The following PTPRK variants were observed in gnomAD, a reference collection of about 807,000 sequenced individuals.
PTPRK encodes the protein protein tyrosine phosphatase receptor type K.
Under a neutral mutation model 178.0 loss-of-function variants are expected in PTPRK, and 75 were observed. That is an observed-to-expected ratio of 0.42 (90% CI 0.35 to 0.51). The LOEUF (loss-of-function observed/expected upper bound fraction) is 0.51. Ranked by LOEUF, PTPRK falls within the 20% of genes least tolerant of loss-of-function variation. PTPRK has a pLI of 0.02. For synonymous variants in PTPRK, 637 were observed against 620.6 expected (o/e 1.03, Z -0.39); for missense variants, 1,441 against 1,797.8 (o/e 0.80, Z 3.59).
intron 13 of PTPRK, among the ~76,000 whole-genome samples, chr6:128,045,745 T>G (rs943601852): frequency 2.0e-5 from 3 of 152,092 alleles, no homozygotes; most frequent in African/African-American, 7.2e-5. Flanking sequence ...TTAATACATA[T>G]CTTTTAAATA....
At chr6:128,051,717 A>C (rs1779032507) in intron 13 of PTPRK, among the ~76,000 whole-genome samples, 1 of 152,040 alleles carries the variant, frequency 6.6e-6, no homozygotes. Flanking sequence ...TCATCTTTCT[A>C]TATTATCTTG....
At chr6:128,169,886 C>A (rs1213756771) in intron 7 of PTPRK, among the ~76,000 whole-genome samples, 1 of 151,548 alleles carries the variant, frequency 6.6e-6, no homozygotes, top group South Asian at 2.1e-4. Context: ...AAACACCAGG[C>A]ACTTTCCAGA....
intron 3 of PTPRK, among the ~76,000 whole-genome samples, chr6:128,253,311 C>T (rs1193432475): frequency 6.6e-6 from 1 of 152,132 alleles, no homozygotes; most frequent in Non-Finnish European, 1.5e-5. Context: ...CATTTTTCAT[C>T]CTATGGATCT....
chr6:128,360,497 C>T (rs1011244070), intron 2 of PTPRK, among the ~76,000 whole-genome samples: 30 of 152,174 alleles, frequency 2.0e-4, no homozygotes, highest in Admixed American at 1.3e-3. Context: ...TATTATATAA[C>T]GTCAAGGTAA....
intron 5 of PTPRK, chr6:128,232,223 T>A (rs1311722013): frequency 6.6e-6 from 1 of 152,234 alleles, no homozygotes; most frequent in Non-Finnish European, 1.5e-5. Flanking sequence ...CACTTTTGCT[T>A]ATTCAAGTAC....
chr6:128,280,361 T>C (rs1304515860), intron 3 of PTPRK, among the ~76,000 whole-genome samples: 1 of 152,150 alleles, frequency 6.6e-6, no homozygotes, highest in Non-Finnish European at 1.5e-5. Context: ...CATTTTAAAA[T>C]ACTGTTCCTA....
chr6:128,258,288 CAAGT>C (rs1218316482), intron 3 of PTPRK, among the ~76,000 whole-genome samples: 6 of 152,026 alleles, frequency 3.9e-5, no homozygotes, highest in Non-Finnish European at 8.8e-5. Context: ...TTAAATCAAG[CAAGT>C]GTTACAACAT....
At chr6:128,250,460 G>A (rs988709728) in intron 3 of PTPRK, among the ~76,000 whole-genome samples, 2 of 152,142 alleles carry the variant, frequency 1.3e-5, no homozygotes, top group African/African-American at 2.4e-5. Flanking sequence ...TTGACAGTCA[G>A]GGCTCAAAGA....
intron 1 of PTPRK, chr6:128,491,815 A>G (rs752981578): frequency 2.9e-5 from 15 of 517,376 alleles, no homozygotes; most frequent in Non-Finnish European, 5.8e-5. Flanking sequence ...CAGCAGAACA[A>G]CAGCAGCAAA....
chr6:128,114,271 T>C (rs1791132289), intron 7 of PTPRK, among the ~76,000 whole-genome samples: 2 of 151,988 alleles, frequency 1.3e-5, no homozygotes. Flanking sequence ...AGGCATGTAT[T>C]ACATGACGGC....
At chr6:127,999,065 C>T (rs1235843913) in intron 15 of PTPRK, among the ~76,000 whole-genome samples, 161 bp from the exon 16 acceptor site, 2 of 152,046 alleles carry the variant, frequency 1.3e-5, no homozygotes, top group African/African-American at 4.8e-5. Context: ...ACAGTATCCC[C>T]AAAGACAAAA....
intron 6 of PTPRK, among the ~76,000 whole-genome samples, chr6:128,211,669 T>C (rs976657492): frequency 6.6e-6 from 1 of 152,120 alleles, no homozygotes; most frequent in South Asian, 2.1e-4. Context: ...GTCAGCAGAA[T>C]GTATATTAGC....
chr6:128,341,990 C>T (rs751837496), intron 2 of PTPRK, among the ~76,000 whole-genome samples: 8 of 152,166 alleles, frequency 5.3e-5, no homozygotes, highest in African/African-American at 7.2e-5. Context: ...CAGTGGCTCA[C>T]GCCTGTAATC....
chr6:128,221,599 C>T (rs1257373458), intron 5 of PTPRK, among the ~76,000 whole-genome samples: 1 of 151,584 alleles, frequency 6.6e-6, no homozygotes, highest in Non-Finnish European at 1.5e-5. Flanking sequence ...TACCTTTCTC[C>T]ATATCTTAAA....
chr6:128,418,963 C>T (rs1843145635), intron 1 of PTPRK, among the ~76,000 whole-genome samples: 1 of 152,206 alleles, frequency 6.6e-6, no homozygotes, highest in Non-Finnish European at 1.5e-5. Flanking sequence ...CACTACTCCC[C>T]AATATACTCA....
intron 3 of PTPRK, among the ~76,000 whole-genome samples, chr6:128,310,579 A>C (rs886639489): frequency 9.2e-5 from 14 of 152,218 alleles, no homozygotes; most frequent in African/African-American, 3.4e-4. Flanking sequence ...GCAATGAAAA[A>C]GCAGAAAGGA....
At chr6:127,980,282 C>A (rs949706385) in intron 25 of PTPRK, among the ~76,000 whole-genome samples, 5 of 152,168 alleles carry the variant, frequency 3.3e-5, no homozygotes, top group African/African-American at 1.2e-4. Flanking sequence ...TGCACTCCAG[C>A]CTGGGCAACA....
intron 13 of PTPRK, among the ~76,000 whole-genome samples, chr6:128,023,690 G>A (rs1264105447): frequency 2.0e-5 from 3 of 152,042 alleles, no homozygotes; most frequent in Admixed American, 6.6e-5. Context: ...GTCTCACTCT[G>A]TCTCCAGGGC....
intron 25 of PTPRK, among the ~76,000 whole-genome samples, chr6:127,979,563 C>T (rs1469324129): frequency 6.6e-6 from 1 of 152,126 alleles, no homozygotes; most frequent in Non-Finnish European, 1.5e-5. Context: ...GATTAATGGC[C>T]AGGCAAGACT....
Sources: gnomAD v4.1 joint callset for allele counts (sites outside exome capture counted in the v4.1 genomes callset) on GRCh38, gnomAD v4.1.1 for gene constraint, MANE v1.5 for transcripts, NCBI Gene and HGNC (gene_info 2026-07-23, HGNC 2026-07-21) for gene names.